The following ANKRD17 variants were observed in gnomAD, a reference collection of about 807,000 sequenced individuals.
The protein encoded by ANKRD17 is ankyrin repeat domain 17, also known as ankyrin repeat domain-containing protein 17.
In ANKRD17, 19 loss-of-function variants were observed where a neutral mutation model predicts 229.7. The observed-to-expected ratio is 0.08, with a 90% confidence interval of 0.06 to 0.12. The LOEUF is 0.12. Ranked by LOEUF, ANKRD17 falls within the 10% of genes least tolerant of loss-of-function variation. The probability of loss-of-function intolerance (pLI) is 1.00; values close to 1 mark genes in which losing one functional copy is unlikely to be tolerated. For missense variants in ANKRD17, 2,176 were observed against 3,176.8 expected (o/e 0.68, Z 7.57); for synonymous variants, 1,112 against 1,146.1 (o/e 0.97, Z 0.60).
intron 1 of ANKRD17, among the ~76,000 whole-genome samples, chr4:73,185,136 C>T: frequency 6.6e-6 from 1 of 151,838 alleles, no homozygotes; most frequent in East Asian, 1.9e-4. Flanking sequence ...GACTTCTTTA[C>T]ATTCAACACT....
chr4:73,218,409 G>A (rs1224860547), intron 1 of ANKRD17, among the ~76,000 whole-genome samples: 5 of 152,080 alleles, frequency 3.3e-5, no homozygotes, highest in Non-Finnish European at 5.9e-5. Flanking sequence ...TTGGGAGGCC[G>A]AGGCAGGCAG....
chr4:73,159,979 T>A (rs141495246), intron 3 of ANKRD17, among the ~76,000 whole-genome samples: 1,612 of 152,278 alleles, frequency 0.011, 16 homozygotes, highest in Middle Eastern at 0.02. Context: ...AAATGTTGTA[T>A]GAAAACACCA....
intron 2 of ANKRD17, among the ~76,000 whole-genome samples, chr4:73,173,614 C>T (rs923912831): frequency 6.6e-6 from 1 of 152,196 alleles, no homozygotes; most frequent in Admixed American, 6.5e-5. Context: ...TTCTGCAAGA[C>T]AGTCAAATAA....
At chr4:73,147,777 T>C (rs896476224) in intron 8 of ANKRD17, among the ~76,000 whole-genome samples, 1 of 152,038 alleles carries the variant, frequency 6.6e-6, no homozygotes, top group African/African-American at 2.4e-5. Context: ...ATGATGATAA[T>C]AAAAATCTTA....
chr4:73,080,531 T>G (rs1293348829), intron 30 of ANKRD17, among the ~76,000 whole-genome samples: 1 of 152,186 alleles, frequency 6.6e-6, no homozygotes, highest in Non-Finnish European at 1.5e-5. Flanking sequence ...CATGTAAATG[T>G]AAACACAAAG....
At chr4:73,202,542 G>A (rs138911152) in intron 1 of ANKRD17, among the ~76,000 whole-genome samples, 2 of 152,120 alleles carry the variant, frequency 1.3e-5, no homozygotes, top group Admixed American at 6.5e-5. Flanking sequence ...AGAGGAGAGA[G>A]ATTTCATTGA....
At chr4:73,238,839 C>T (rs1743753635) in intron 1 of ANKRD17, among the ~76,000 whole-genome samples, 1 of 152,034 alleles carries the variant, frequency 6.6e-6, no homozygotes, top group Non-Finnish European at 1.5e-5. Context: ...GTGAGACTAC[C>T]CATGTTTATA....
At chr4:73,144,279 T>A (rs1374775294) in intron 11 of ANKRD17, among the ~76,000 whole-genome samples, 3 of 152,250 alleles carry the variant, frequency 2.0e-5, no homozygotes, top group African/African-American at 7.2e-5. Context: ...ATTTGCTATA[T>A]TTGTCACATT....
intron 1 of ANKRD17, among the ~76,000 whole-genome samples, chr4:73,248,491 C>T (rs904881850): frequency 1.3e-5 from 2 of 151,722 alleles, no homozygotes; most frequent in African/African-American, 2.4e-5. Context: ...AAATAATGTC[C>T]CCATTTCTTC....
chr4:73,125,472 C>T (rs1040879495), intron 16 of ANKRD17, among the ~76,000 whole-genome samples, 160 bp from the exon 17 acceptor site: 1 of 152,122 alleles, frequency 6.6e-6, no homozygotes, highest in African/African-American at 2.4e-5. Flanking sequence ...TGGTGGCTCA[C>T]GCCTGTAATC....
chr4:73,118,585 A>G, intron 22 of ANKRD17, 103 bp downstream of exon 22: 1 of 1,292,882 alleles, frequency 7.7e-7, no homozygotes, highest in Non-Finnish European at 1.1e-6. Context: ...TGCTTTCATC[A>G]CAGCTGCAAA....
At chr4:73,200,916 G>A (rs1360866898) in intron 1 of ANKRD17, among the ~76,000 whole-genome samples, 1 of 122,570 alleles carries the variant, frequency 8.2e-6, no homozygotes, top group Non-Finnish European at 1.6e-5. Flanking sequence ...TTCCAACAAA[G>A]GCTGAACTTA....
rs1420254491 is a variant in ANKRD17 at position 73,149,158 on chromosome 4, A to G, written c.1330-108T>C. 7 of 849,232 alleles carry G rather than the reference A, an allele frequency of 8.2e-6. No homozygotes were observed. The Admixed American group carries it at 1.3e-4, about 16-fold the overall frequency. The allele number at this position is 849,232 out of a possible 1,614,324, so 52.6% of individuals were successfully genotyped here. A position where few individuals can be genotyped will look rare whatever the true frequency, so the allele number is the denominator to read the frequency against. The stretch of plus-strand genomic sequence containing the variant: ...AATGAAGTTTATCTATCTCCACTCA[A>G]AAAGGAATAGAGCTACATTTAACAG... On this transcript the variant is annotated intron_variant, in intron 7 of 33. Transcript: ENST00000358602.
At chr4:73,171,208 AGAG>A (rs1560646150) in intron 2 of ANKRD17, among the ~76,000 whole-genome samples, 2 of 151,198 alleles carry the variant, frequency 1.3e-5, no homozygotes, top group East Asian at 1.9e-4. Context: ...AGAGAGAGAG[AGAG>A]AGAGAGAGAG....
Position 73,077,467 on chromosome 4 carries a change from C to T in ANKRD17, c.7475G>A (p.Gly2492Glu). 6.2e-7 allele frequency: 1 copy of T among 1,613,742 alleles called. No individual in the cohort carries two copies. Among genetic ancestry groups the T allele is most frequent in the Non-Finnish European group, 8.5e-7 (1 of 1,179,826 alleles). Reference protein sequence around the residue: ...PMIHRPMSDPGVFSQHQAMER... With the variant: ...PMIHRPMSDPEVFSQHQAMER... ...CATTGCTTGATGTTGTGAAAATACTCCTGGGTCAGACATCGGTCTGTGGAT... is the reference window on the plus strand; with the variant it reads ...CATTGCTTGATGTTGTGAAAATACTTCTGGGTCAGACATCGGTCTGTGGAT... Residue 2492 changes from glycine to glutamate, a missense_variant, in exon 32 of 34, where the codon GGA becomes GAA. Physicochemically the swap from Gly to Glu is moderately conservative, Grantham distance 98. Transcript: ENST00000358602.
At chr4:73,237,252 G>A (rs1743589230) in intron 1 of ANKRD17, among the ~76,000 whole-genome samples, 1 of 152,106 alleles carries the variant, frequency 6.6e-6, no homozygotes, top group Non-Finnish European at 1.5e-5. Context: ...GGATCCCTGG[G>A]ATACAAAACA....
At chr4:73,124,786 AAT>A in intron 18 of ANKRD17, 125 bp downstream of exon 18, 1 of 1,180,156 alleles carries the variant, frequency 8.5e-7, no homozygotes, top group South Asian at 1.7e-5. Flanking sequence ...GTTAATAGAT[AAT>A]AGTTTCAGTT....
chr4:73,213,792 T>C lies in ANKRD17; in HGVS notation c.394-36259A>G, dbSNP rs559578236. Among the ~76,000 whole-genome samples the C allele has an allele frequency of 1.5e-3, 221 of 152,186 alleles. 2 individuals are homozygous for C. Among genetic ancestry groups the C allele is most frequent in the African/African-American group, 5.0e-3 (206 of 41,538 alleles). ...AATTTGAAAAACCTTAGTTTTTAAA[T>C]AGAGGAAGATCTACATTATCTGAAT... is the stretch of plus-strand genomic sequence containing the variant. On this transcript the variant is annotated intron_variant, in intron 1 of 33. Coordinates refer to ENST00000358602, the MANE Select transcript of ANKRD17 (RefSeq NM_032217.5).
chr4:73,202,111 C>A (rs1210808726), intron 1 of ANKRD17, among the ~76,000 whole-genome samples: 2 of 152,026 alleles, frequency 1.3e-5, no homozygotes, highest in Non-Finnish European at 2.9e-5. Flanking sequence ...ATTCTCTCCA[C>A]CAATCAGTAG....
Sources: allele counts gnomAD v4.1 joint callset (sites outside exome capture counted in the v4.1 genomes callset), GRCh38; gene constraint gnomAD v4.1.1; transcripts MANE v1.5; gene names NCBI Gene and HGNC (gene_info 2026-07-23, HGNC 2026-07-21).